The following ELAVL3 variants were observed in gnomAD, a reference collection of about 807,000 sequenced individuals.
ELAVL3 encodes ELAV-like protein 3.
Under a neutral mutation model 34.2 loss-of-function variants are expected in ELAVL3, and 8 were observed. That is an observed-to-expected ratio of 0.23 (90% CI 0.14 to 0.42). The LOEUF (loss-of-function observed/expected upper bound fraction) is 0.42, where lower values mean the gene tolerates loss of function less well. Ranked by LOEUF, ELAVL3 falls within the 10% of genes least tolerant of loss-of-function variation. The pLI, the probability that ELAVL3 is intolerant of heterozygous loss-of-function variation, is 1.00. For missense variants in ELAVL3, 273 were observed against 518.8 expected, an observed-to-expected ratio of 0.53 and a Z score of 4.60; for synonymous variants, 209 against 222.1, an observed-to-expected ratio of 0.94 and a Z score of 0.53.
rs1484611131 is a variant in ELAVL3 at position 11,451,743 on chromosome 19, T to G, written c.*2783A>C. On this transcript the variant is annotated 3_prime_UTR_variant, in exon 7 of 7. Coordinates refer to ENST00000359227, the MANE Select transcript of ELAVL3 (RefSeq NM_001420.4). ...GGGGGCCTGGCTGGGCTGAGTTTTG[T>G]GTTTTAGAAAAAGAAGTCCCCTCCC... 1.3e-5 allele frequency: 2 copies of G among 151,136 alleles called. No homozygotes were observed. The highest frequency in any genetic ancestry group is 4.9e-5 in the African/African-American group (2 of 41,048). The allele number at this position is 151,136 out of a possible 1,614,324, so 9.4% of individuals were successfully genotyped here.
intron 1 of ELAVL3, among the ~76,000 whole-genome samples, chr19:11,474,749 T>C (rs191717294): frequency 6.6e-6 from 1 of 152,350 alleles, no homozygotes; most frequent in Admixed American, 6.5e-5. Context: ...ACTCCTGGAC[T>C]CAAGCAATCC....
At chr19:11,456,412 C>T (rs754121723) in intron 6 of ELAVL3, among the ~76,000 whole-genome samples, 11 of 150,518 alleles carry the variant, frequency 7.3e-5, no homozygotes, top group Non-Finnish European at 1.5e-4. Context: ...CCTCTGTTAC[C>T]CCTTCTACTT....
chr19:11,460,434 T>C (rs1300836647), intron 3 of ELAVL3, among the ~76,000 whole-genome samples: 1 of 148,136 alleles, frequency 6.8e-6, no homozygotes, highest in East Asian at 2.0e-4. Context: ...CTCAGAACCC[T>C]CTATGGCTCC....
Position 11,480,917 on chromosome 19 carries a change from C to G in ELAVL3, c.-309G>C, listed in dbSNP as rs1297286774. 1 of 319,414 alleles carries G rather than the reference C, an allele frequency of 3.1e-6. No homozygotes were observed. Among genetic ancestry groups the G allele is most frequent in the Non-Finnish European group, 5.7e-6 (1 of 174,990 alleles). The allele number at this position is 319,414 out of a possible 1,614,324, so 19.8% of individuals were successfully genotyped here. ...GGCCCGGGGAGGTTGCGCTTCCCGA[C>G]AGAGATCGCGGCGCTCTGCCTTTCG... On this transcript the variant is annotated 5_prime_UTR_variant, in exon 1 of 7. Coordinates refer to ENST00000359227, the MANE Select transcript of ELAVL3 (RefSeq NM_001420.4). This position sits in a 1 kb window ranked among gnomAD's most constrained non-coding sequence, Gnocchi z 6.8.
chr19:11,466,589 G>A lies in ELAVL3; in HGVS notation c.229+19C>T, dbSNP rs371728291. Reference sequence around the variant, plus strand: ...GAGGCTACCACCTCTGTTCCTCCCCGCAACTCCAGCAGCCACACCTGTGAT... The same window carrying A: ...GAGGCTACCACCTCTGTTCCTCCCCACAACTCCAGCAGCCACACCTGTGAT... On this transcript the variant is annotated intron_variant, in intron 2 of 6. Transcript: ENST00000359227. This position sits in a 1 kb window ranked among gnomAD's most constrained non-coding sequence, Gnocchi z 5.0. The A allele has an allele frequency of 3.7e-6, 6 of 1,612,140 alleles. No individual in the cohort carries two copies. Among genetic ancestry groups the A allele is most frequent in the African/African-American group, 2.7e-5 (2 of 74,632 alleles).
intron 1 of ELAVL3, among the ~76,000 whole-genome samples, chr19:11,477,379 C>A (rs993921469): frequency 6.6e-6 from 1 of 152,024 alleles, no homozygotes; most frequent in Admixed American, 6.6e-5. Context: ...GAAGCCTTAA[C>A]CTCCTTCTGC....
intron 1 of ELAVL3, among the ~76,000 whole-genome samples, chr19:11,477,073 C>T (rs1971276747): frequency 1.3e-5 from 2 of 152,080 alleles, no homozygotes; most frequent in Admixed American, 1.3e-4. Flanking sequence ...ACATTTAAAC[C>T]CACTCCATCG....
At chr19:11,462,174 CAAA>C (rs775716481) in intron 3 of ELAVL3, among the ~76,000 whole-genome samples, 4 of 73,724 alleles carry the variant, frequency 5.4e-5, no homozygotes, top group African/African-American at 1.4e-4. Flanking sequence ...GACTCCGTCT[CAAA>C]AAAAAAAAAA....
chr19:11,456,594 T>G (rs557713367), intron 6 of ELAVL3, among the ~76,000 whole-genome samples: 80 of 150,136 alleles, frequency 5.3e-4, no homozygotes, highest in African/African-American at 1.9e-3. Context: ...CCTCCTTCCA[T>G]GTTCAAGCGA....
intron 5 of ELAVL3, 122 bp from the exon 6 acceptor site, chr19:11,457,270 C>A (rs1264068875): frequency 1.8e-6 from 2 of 1,098,844 alleles, no homozygotes; most frequent in Non-Finnish European, 2.5e-6. Flanking sequence ...CCCCCGCCTG[C>A]CTGCTCCCCG....
rs1568383858 is a variant in ELAVL3 at position 11,466,776 on chromosome 19, C to A, written c.61G>T (p.Ala21Ser). 2 of 1,613,190 alleles carry A rather than the reference C, an allele frequency of 1.2e-6. No individual in the cohort carries two copies. Among genetic ancestry groups the A allele is most frequent in the Non-Finnish European group, 8.5e-7 (1 of 1,179,546 alleles). The change falls in exon 2 of 7, where the codon GCC becomes TCC. Residue 21 changes from alanine to serine, a missense_variant. By Grantham distance (99) the Ala-to-Ser change is moderately conservative. Coordinates refer to ENST00000359227, the MANE Select transcript of ELAVL3 (RefSeq NM_001420.4). The surrounding 1 kb of genome is among the most constrained non-coding windows in gnomAD (Gnocchi z 5.0). ...CCAAGGAGTGGCCCGTTGGGCAGGG[C>A]CGGGCCGGCCGGGCCCCCCCCCACC... Reference protein sequence around the residue: ...SQVGGGPAGPALPNGPLLGTN... With the variant: ...SQVGGGPAGPSLPNGPLLGTN...
rs773726181 is a variant in ELAVL3 at position 11,454,887 on chromosome 19, G to C, written c.753-10C>G. On this transcript the variant is annotated splice_polypyrimidine_tract_variant and intron_variant, in intron 6 of 6. Transcript: ENST00000359227. The surrounding 1 kb of genome is among the most constrained non-coding windows in gnomAD (Gnocchi z 9.2). ...GATGAGCGACAGGGGACTACTTTGG[G>C]GGTCACGCGGGCTCTGCCCTGACCC... 2 of 1,585,326 alleles carry C rather than the reference G, an allele frequency of 1.3e-6. No individual in the cohort carries two copies. The highest frequency in any genetic ancestry group is 4.5e-5 in the East Asian group (2 of 44,612).
rs1303171438 is a variant in ELAVL3, at chr19:11,451,471, T to G, written c.*3055A>C. On this transcript the variant is annotated 3_prime_UTR_variant, in exon 7 of 7. Transcript: ENST00000359227. ...CGAAGTGTTCTTGTTGGGTTTTTTT[T>G]TTTTTTTTGTCTTTTGTTTTGTCTT... The G allele has an allele frequency of 1.3e-5, 2 of 151,402 alleles. No individual in the cohort carries two copies. Among genetic ancestry groups the G allele is most frequent in the African/African-American group, 4.8e-5 (2 of 41,364 alleles). The allele number at this position is 151,402 out of a possible 1,614,324, so 9.4% of individuals were successfully genotyped here.
In ELAVL3 at chr19:11,463,118, G is replaced by A. The variant is rs1016139183; in HGVS notation, c.333+3054C>T. ...TAGATTTGGGGGTAAGATCCTGGGT[G>A]GATATTGGAGGTCCAACACCGTCTG... On this transcript the variant is annotated intron_variant, in intron 3 of 6. Coordinates refer to ENST00000359227, the MANE Select transcript of ELAVL3 (RefSeq NM_001420.4). Among the ~76,000 whole-genome samples, 3 of 152,270 alleles carry A rather than the reference G, an allele frequency of 2.0e-5. No individual in the cohort carries two copies. In the South Asian group the frequency reaches 6.2e-4, roughly 32 times the overall value.
rs564753967 is a variant in ELAVL3 at position 11,465,118 on chromosome 19, C to T, written c.333+1054G>A. On this transcript the variant is annotated intron_variant, in intron 3 of 6. Coordinates refer to ENST00000359227, the MANE Select transcript of ELAVL3 (RefSeq NM_001420.4). Reference sequence around the variant, plus strand: ...ACCACACACACATACACATACACCACACACATACACACCACACACATACAC... The same window carrying T: ...ACCACACACACATACACATACACCATACACATACACACCACACACATACAC... Among the ~76,000 whole-genome samples, 20 of 116,016 alleles carry T rather than the reference C, an allele frequency of 1.7e-4. No homozygotes were observed. In the South Asian group the frequency reaches 4.7e-3, roughly 27 times the overall value. The allele number at this position is 116,016 out of a possible 152,430, so 76.1% of individuals were successfully genotyped here.
chr19:11,455,239 A>T (rs1198688766), intron 6 of ELAVL3, among the ~76,000 whole-genome samples: 1 of 150,906 alleles, frequency 6.6e-6, no homozygotes, highest in Non-Finnish European at 1.5e-5. Flanking sequence ...GGCTCAAGCA[A>T]TCCTCCTGCC....
rs1460479734 is a variant in ELAVL3 at position 11,480,700 on chromosome 19, C to T, written c.-92G>A. ...GCGCCCGATGCTCACGCTGGGGTCC[C>T]GCCCGGGCGGCCTCTGGTGCGGCCG... On this transcript the variant is annotated 5_prime_UTR_variant, in exon 1 of 7. Transcript: ENST00000359227. The surrounding 1 kb of genome is among the most constrained non-coding windows in gnomAD (Gnocchi z 6.8). 24 of 1,261,990 alleles carry T rather than the reference C, an allele frequency of 1.9e-5. No individual in the cohort carries two copies. Among genetic ancestry groups the T allele is most frequent in the Non-Finnish European group, 2.5e-5 (24 of 967,996 alleles). 78.2% of individuals were successfully genotyped at this position (1,261,990 alleles called of 1,614,324 possible).
At chr19:11,469,471 G>A (rs1599545519) in intron 1 of ELAVL3, among the ~76,000 whole-genome samples, 1 of 151,714 alleles carries the variant, frequency 6.6e-6, no homozygotes, top group South Asian at 2.1e-4. Context: ...GTAGAGGCGG[G>A]GTTTCTCCAT....
rs1023983442 is a variant in ELAVL3 at position 11,470,080 on chromosome 19, G to T, written c.10-3253C>A. ...TCAAAAATAAATAAATAAAGCTGGG[G>T]GCAGTGGCTCAAGCCTGTAATCCCA... On this transcript the variant is annotated intron_variant, in intron 1 of 6. Coordinates refer to ENST00000359227, the MANE Select transcript of ELAVL3 (RefSeq NM_001420.4). Among the ~76,000 whole-genome samples, 4 of 152,062 alleles carry T rather than the reference G, an allele frequency of 2.6e-5. No homozygotes were observed. In the East Asian group the frequency reaches 7.7e-4, roughly 29 times the overall value.
Sources: gnomAD v4.1 joint callset for allele counts (sites outside exome capture counted in the v4.1 genomes callset) on GRCh38, gnomAD v4.1.1 for gene constraint, Gnocchi (gnomAD v3.1) non-coding constraint, MANE v1.5 for transcripts, NCBI Gene and HGNC (gene_info 2026-07-23, HGNC 2026-07-21) for gene names.